FILIP1L: variants seen among roughly 807,000 people sequenced by gnomAD.
FILIP1L encodes the protein filamin A interacting protein 1 like, also known as filamin A-interacting protein 1-like.
FILIP1L carries 55 observed loss-of-function variants against 96.6 expected under a neutral mutation model. The observed-to-expected ratio is 0.57, with a 90% CI of 0.46 to 0.71. FILIP1L has a LOEUF of 0.71. Among genes scored for constraint, FILIP1L ranks in the 30% least tolerant of loss-of-function variants. The pLI, the probability that FILIP1L is intolerant of heterozygous loss-of-function variation, is 0.00. For missense variants in FILIP1L, 1,304 were observed against 1,321.2 expected, an observed-to-expected ratio of 0.99 and a Z score of 0.20; for synonymous variants, 467 against 473.9, an observed-to-expected ratio of 0.99 and a Z score of 0.19.
intron 4 of FILIP1L, among the ~76,000 whole-genome samples, chr3:99,860,696 A>G (rs897048719): frequency 1.3e-5 from 2 of 152,164 alleles, no homozygotes; most frequent in African/African-American, 4.8e-5. Context: ...AGACTTGAAA[A>G]GATGCTCAGG....
chr3:99,928,520 T>TA (rs1204754977), intron 3 of FILIP1L, among the ~76,000 whole-genome samples: 1 of 152,182 alleles, frequency 6.6e-6, no homozygotes, highest in African/African-American at 2.4e-5. Flanking sequence ...AGGGGCACCT[T>TA]ACAGAGTTAA....
intron 1 of FILIP1L, among the ~76,000 whole-genome samples, chr3:100,030,960 T>C (rs1235812756): frequency 1.3e-5 from 2 of 152,174 alleles, no homozygotes; most frequent in African/African-American, 2.4e-5. Flanking sequence ...ATCTATGAGA[T>C]ATGAAGTCTG....
intron 1 of FILIP1L, among the ~76,000 whole-genome samples, chr3:100,111,816 G>T (rs2066495918): frequency 6.6e-6 from 1 of 152,096 alleles, no homozygotes; most frequent in Non-Finnish European, 1.5e-5. Context: ...CTCAAAGAAG[G>T]CTCAAGTATT....
At chr3:99,861,643 C>T (rs557055757) in intron 4 of FILIP1L, among the ~76,000 whole-genome samples, 1 of 152,294 alleles carries the variant, frequency 6.6e-6, no homozygotes, top group African/African-American at 2.4e-5. Context: ...GTCTTCCCTA[C>T]TGCCTGTTCC....
At chr3:99,831,132 G>A (rs1370336202) in intron 5 of FILIP1L, among the ~76,000 whole-genome samples, 1 of 152,126 alleles carries the variant, frequency 6.6e-6, no homozygotes, top group African/African-American at 2.4e-5. Flanking sequence ...AAGGATATTT[G>A]ATTTTAGCAT....
In FILIP1L at chr3:99,929,956, A is replaced by G. The variant is rs1482899968; in HGVS notation, c.326T>C (p.Phe109Ser). ...DLALLEAQYG[F>S]VTPKKVLEAL... ...CTCTAACACCTTTTTTGGAGTGACAAACCCATACTGAGCTTCCAGCAAAGC... is the reference window on the plus strand; with the variant it reads ...CTCTAACACCTTTTTTGGAGTGACAGACCCATACTGAGCTTCCAGCAAAGC... The change falls in exon 3 of 6, where the codon TTT becomes TCT. Residue 109 changes from phenylalanine (F) to serine (S), a missense_variant. Transcript: ENST00000477258. The G allele has an allele frequency of 7.4e-6, 12 of 1,613,984 alleles. No individual in the cohort carries two copies. The highest frequency in any genetic ancestry group is 8.5e-6 in the Non-Finnish European group (10 of 1,180,002).
intron 5 of FILIP1L, among the ~76,000 whole-genome samples, chr3:99,844,301 C>G (rs1943265604): frequency 2.0e-5 from 3 of 152,178 alleles, no homozygotes; most frequent in Admixed American, 2.0e-4. Flanking sequence ...AACTTAATAT[C>G]AGGGGATTCT....
At chr3:100,108,811 G>A (rs534857151) in intron 1 of FILIP1L, among the ~76,000 whole-genome samples, 5 of 152,116 alleles carry the variant, frequency 3.3e-5, no homozygotes, top group South Asian at 2.1e-4. Context: ...TCAGCACAGC[G>A]TGTGGTTGTG....
At chr3:99,996,097 A>C (rs1426590445) in intron 1 of FILIP1L, among the ~76,000 whole-genome samples, 1 of 152,070 alleles carries the variant, frequency 6.6e-6, no homozygotes, top group South Asian at 2.1e-4. Flanking sequence ...ATTTTCCAAA[A>C]TTTTATGCTC....
chr3:100,084,763 T>G (rs1308729738), intron 1 of FILIP1L, among the ~76,000 whole-genome samples: 1 of 152,218 alleles, frequency 6.6e-6, no homozygotes, highest in Non-Finnish European at 1.5e-5. Flanking sequence ...TATTTATAAA[T>G]CAAATCATAG....
At chr3:99,854,070 T>C (rs1943838713) in intron 4 of FILIP1L, among the ~76,000 whole-genome samples, 1 of 152,154 alleles carries the variant, frequency 6.6e-6, no homozygotes. Context: ...CTTCTGATAG[T>C]GATGAATGGT....
chr3:100,104,301 G>C (rs1013573886), intron 1 of FILIP1L, among the ~76,000 whole-genome samples: 1 of 152,168 alleles, frequency 6.6e-6, no homozygotes. Flanking sequence ...CCTGAAACTG[G>C]AATCAAGACC....
In FILIP1L at chr3:99,849,925, C is replaced by T; in HGVS notation, c.1751G>A (p.Arg584Lys). The T allele has an allele frequency of 6.2e-7, 1 of 1,612,852 alleles. No individual in the cohort carries two copies. Among genetic ancestry groups the T allele is most frequent in the African/African-American group, 1.3e-5 (1 of 74,948 alleles). ...EEEKGNDLLSRVNMLKNRLQS... is the reference protein window; with the variant it reads ...EEEKGNDLLSKVNMLKNRLQS... Reference sequence around the variant, plus strand: ...AAGCCTATTTTTCAACATATTAACTCTTGACAGGAGATCATTTCCTTTCTC... The same window carrying T: ...AAGCCTATTTTTCAACATATTAACTTTTGACAGGAGATCATTTCCTTTCTC... Residue 584 changes from arginine (R) to lysine (K), a missense_variant, in exon 5 of 6, where the codon AGA becomes AAA. By Grantham distance (26) the Arg-to-Lys change is conservative. Transcript: ENST00000477258.
intron 1 of FILIP1L, among the ~76,000 whole-genome samples, chr3:100,080,790 A>G (rs557697468): frequency 6.6e-6 from 1 of 152,194 alleles, no homozygotes; most frequent in Non-Finnish European, 1.5e-5. Context: ...ATGTTTCACC[A>G]GTCAGTTATT....
At chr3:99,983,424 GTA>G (rs1559713470) in intron 1 of FILIP1L, among the ~76,000 whole-genome samples, 2 of 54,418 alleles carry the variant, frequency 3.7e-5, no homozygotes, top group Non-Finnish European at 6.8e-5. Flanking sequence ...ATATATGTAT[GTA>G]TGTATGTATA....
At chr3:99,982,977 C>G (rs1253903404) in intron 1 of FILIP1L, among the ~76,000 whole-genome samples, 1 of 151,988 alleles carries the variant, frequency 6.6e-6, no homozygotes, top group Non-Finnish European at 1.5e-5. Context: ...GGGCGAATGT[C>G]TTTGAGGTGC....
intron 4 of FILIP1L, among the ~76,000 whole-genome samples, chr3:99,878,854 G>A (rs1299897708): frequency 6.6e-6 from 1 of 152,182 alleles, no homozygotes; most frequent in Non-Finnish European, 1.5e-5. Flanking sequence ...AAGTAGATGA[G>A]TAGACTTTTA....
At chr3:99,986,074 A>G (rs1405218118) in intron 1 of FILIP1L, among the ~76,000 whole-genome samples, 1 of 152,234 alleles carries the variant, frequency 6.6e-6, no homozygotes, top group East Asian at 1.9e-4. Context: ...TAATGTCTAT[A>G]AGATATTAAA....
intron 1 of FILIP1L, among the ~76,000 whole-genome samples, chr3:100,037,079 C>T (rs770497759): frequency 6.6e-6 from 1 of 151,944 alleles, no homozygotes; most frequent in Non-Finnish European, 1.5e-5. Context: ...GATCCTGGAT[C>T]GGGGGAGGAA....
Sources: gnomAD v4.1 joint callset for allele counts (sites outside exome capture counted in the v4.1 genomes callset) on GRCh38, gnomAD v4.1.1 for gene constraint, MANE v1.5 for transcripts, NCBI Gene and HGNC (gene_info 2026-07-23, HGNC 2026-07-21) for gene names.